The following WWOX variants were observed in gnomAD, a reference collection of about 807,000 sequenced individuals.
WWOX encodes WW domain-containing oxidoreductase.
WWOX carries 69 observed loss-of-function variants against 46.2 expected under a neutral mutation model. That is an observed-to-expected ratio of 1.49 (90% CI 1.23 to 1.82). The LOEUF is 1.82. Among genes scored for constraint, WWOX ranks in the 40% most tolerant of loss-of-function variants. The probability of loss-of-function intolerance (pLI) is 0.00; values close to 1 mark genes in which losing one functional copy is unlikely to be tolerated. For synonymous variants in WWOX, 359 were observed against 202.6 expected, an observed-to-expected ratio of 1.77 and a Z score of -6.56; for missense variants, 919 against 542.6, an observed-to-expected ratio of 1.69 and a Z score of -6.89.
At position 78,780,092 on chromosome 16, in the gene WWOX, T is replaced by G. The variant is rs2050286836; in HGVS notation, c.1056+347340T>G. The stretch of plus-strand genomic sequence containing the variant: ...AATAAATTAATGGTGTGGCCATGGT[T>G]CTCGTACTTCAGGTCCCTGTGAGCC... On this transcript the variant is annotated intron_variant, in intron 8 of 8. Coordinates refer to ENST00000566780, the MANE Select transcript of WWOX (RefSeq NM_016373.4). Among the ~76,000 whole-genome samples the G allele has an allele frequency of 2.0e-5, 3 of 152,164 alleles. No individual in the cohort carries two copies. In the South Asian group the frequency reaches 6.2e-4, roughly 32 times the overall value.
At chr16:78,487,255 G>A (rs2084661318) in intron 8 of WWOX, among the ~76,000 whole-genome samples, 2 of 150,194 alleles carry the variant, frequency 1.3e-5, no homozygotes, top group South Asian at 2.1e-4. Flanking sequence ...ACATGTTGCT[G>A]TAGACAGGTG....
At position 78,424,616 on chromosome 16, in the gene WWOX, C is replaced by T. The variant is rs8059174; in HGVS notation, c.606-254C>T. 0.13 allele frequency among the ~76,000 whole-genome samples: 20,002 copies of T among 152,110 alleles called. 3,503 individuals carry two copies. Among genetic ancestry groups the T allele is most frequent in the African/African-American group, 0.4 (16,517 of 41,442 alleles). On this transcript the variant is annotated intron_variant, in intron 6 of 8. Transcript: ENST00000566780. ...GTCCTGGTTTTCACACTGAAAGTTCCGTATCCTAATAAGCCTCTCATCCTC... is the reference window on the plus strand; with the variant it reads ...GTCCTGGTTTTCACACTGAAAGTTCTGTATCCTAATAAGCCTCTCATCCTC...
chr16:78,421,431 G>A (rs1347290788), intron 6 of WWOX, among the ~76,000 whole-genome samples: 2 of 152,062 alleles, frequency 1.3e-5, no homozygotes, highest in Non-Finnish European at 2.9e-5. Flanking sequence ...GTTTTGTAAG[G>A]ATAGGCCTGT....
intron 5 of WWOX, among the ~76,000 whole-genome samples, chr16:78,295,503 G>T (rs2079930479): frequency 6.6e-6 from 1 of 152,172 alleles, no homozygotes; most frequent in African/African-American, 2.4e-5. Context: ...CCTGAAGTCA[G>T]GAGTTCAAGA....
At chr16:78,869,623 C>A (rs1597085184) in intron 8 of WWOX, among the ~76,000 whole-genome samples, 1 of 152,276 alleles carries the variant, frequency 6.6e-6, no homozygotes, top group Admixed American at 6.5e-5. Flanking sequence ...GAAAGGGTGT[C>A]ATGATGGGTT....
At chr16:78,825,784 T>C (rs994049195) in intron 8 of WWOX, 3 of 595,436 alleles carry the variant, frequency 5.0e-6, no homozygotes, top group Non-Finnish European at 6.3e-6. Flanking sequence ...ACATTGATGC[T>C]GTTGTGTGCC....
chr16:78,567,184 C>T (rs760359961), intron 8 of WWOX, among the ~76,000 whole-genome samples: 7 of 152,124 alleles, frequency 4.6e-5, no homozygotes, highest in African/African-American at 1.4e-4. Context: ...AATTTAAGCC[C>T]CCATCATGTC....
intron 8 of WWOX, among the ~76,000 whole-genome samples, chr16:79,055,796 T>G (rs1385977894): frequency 6.6e-6 from 1 of 152,206 alleles, no homozygotes; most frequent in African/African-American, 2.4e-5. Flanking sequence ...ACCAAACAGT[T>G]TCTTCTTTCC....
intron 6 of WWOX, among the ~76,000 whole-genome samples, chr16:78,395,856 G>C (rs1015560788): frequency 6.6e-6 from 1 of 151,770 alleles, no homozygotes; most frequent in African/African-American, 2.4e-5. Flanking sequence ...GTTTTCTTTC[G>C]GAGTAAATGC....
chr16:78,985,774 G>C (rs199757045), intron 8 of WWOX, among the ~76,000 whole-genome samples: 47 of 43,814 alleles, frequency 1.1e-3, no homozygotes, highest in African/African-American at 1.5e-3. Flanking sequence ...ATCTGAAAAA[G>C]AAAAAAAGAA....
chr16:78,903,432 C>A (rs1276478785), intron 8 of WWOX, among the ~76,000 whole-genome samples: 1 of 152,200 alleles, frequency 6.6e-6, no homozygotes, highest in African/African-American at 2.4e-5. Flanking sequence ...CCATCAGAGG[C>A]TGAAGTGAAG....
chr16:78,337,890 C>T lies in WWOX; in HGVS notation c.517-48970C>T, dbSNP rs922699793. On this transcript the variant is annotated intron_variant, in intron 5 of 8. Transcript: ENST00000566780. ...AGTGGTAGAGCTGATGTAGAAGCGC[C>T]CTCTCTGTTCCTGGCAGTGCCTGTC... Among the ~76,000 whole-genome samples the T allele has an allele frequency of 5.8e-5, 7 of 119,850 alleles. 2 individuals carry two copies. Among genetic ancestry groups the T allele is most frequent in the African/African-American group, 2.0e-4 (7 of 35,428 alleles). 78.6% of individuals were successfully genotyped at this position (119,850 alleles called of 152,430 possible).
At chr16:79,059,422 A>G (rs1170971147) in intron 8 of WWOX, among the ~76,000 whole-genome samples, 6 of 152,238 alleles carry the variant, frequency 3.9e-5, no homozygotes, top group Admixed American at 3.9e-4. Flanking sequence ...AGAGCTTGAC[A>G]CCTGCATATA....
intron 8 of WWOX, among the ~76,000 whole-genome samples, chr16:78,447,444 T>C (rs1031254135): frequency 1.2e-4 from 18 of 152,258 alleles, no homozygotes; most frequent in African/African-American, 4.1e-4. Context: ...TTAGAAGTGC[T>C]AAGTAAACTG....
At chr16:78,144,829 C>G (rs899289295) in intron 4 of WWOX, among the ~76,000 whole-genome samples, 1 of 151,840 alleles carries the variant, frequency 6.6e-6, no homozygotes, top group Non-Finnish European at 1.5e-5. Context: ...CCTGCCGTTA[C>G]TTTTAATGGC....
At chr16:78,775,336 C>A (rs1451660799) in intron 8 of WWOX, among the ~76,000 whole-genome samples, 1 of 152,116 alleles carries the variant, frequency 6.6e-6, no homozygotes, top group Admixed American at 6.5e-5. Context: ...AGTGTGTCAT[C>A]CCCTCCCCAC....
chr16:78,787,675 A>C (rs1055858704), intron 8 of WWOX, among the ~76,000 whole-genome samples: 3 of 152,112 alleles, frequency 2.0e-5, no homozygotes, highest in Non-Finnish European at 4.4e-5. Flanking sequence ...ATTCTTGGGC[A>C]TATTTTGGGG....
chr16:79,195,325 A>C (rs983629676), intron 8 of WWOX, among the ~76,000 whole-genome samples: 1 of 152,090 alleles, frequency 6.6e-6, no homozygotes, highest in Admixed American at 6.5e-5. Context: ...GGAGATGCGA[A>C]TGCTCCAGTC....
In WWOX at chr16:78,315,362, G is replaced by A. The variant is rs529655180; in HGVS notation, c.517-71498G>A. ...TTTGATATGATAAAAATAATTATAT[G>A]ATTATGCTGAGTGAGGTGGCTCAAG... On this transcript the variant is annotated intron_variant, in intron 5 of 8. Transcript: ENST00000566780. Among the ~76,000 whole-genome samples, 4 of 152,182 alleles carry A rather than the reference G, an allele frequency of 2.6e-5. No homozygotes were observed. In the East Asian group the frequency reaches 7.8e-4, roughly 29 times the overall value.
Sources: allele counts gnomAD v4.1 joint callset (sites outside exome capture counted in the v4.1 genomes callset), GRCh38; gene constraint gnomAD v4.1.1; transcripts MANE v1.5; gene names NCBI Gene and HGNC (gene_info 2026-07-23, HGNC 2026-07-21).